The following SEMA3D variants were observed in gnomAD, a reference collection of about 807,000 sequenced individuals.
The protein encoded by SEMA3D is semaphorin 3D.
SEMA3D carries 84 observed loss-of-function variants against 100.1 expected under a neutral mutation model. The observed-to-expected ratio is 0.84, with a 90% confidence interval of 0.70 to 1.01. The LOEUF (loss-of-function observed/expected upper bound fraction) is 1.01, where lower values mean the gene tolerates loss of function less well. SEMA3D is among the 50% of genes least tolerant of loss of function. SEMA3D has a pLI of 0.00. For synonymous variants in SEMA3D, 312 were observed against 320.7 expected (o/e 0.97, Z 0.29); for missense variants, 875 against 934.1 (o/e 0.94, Z 0.82).
chr7:85,046,829 A>G (rs1336866455), intron 9 of SEMA3D, among the ~76,000 whole-genome samples: 1 of 151,858 alleles, frequency 6.6e-6, no homozygotes, highest in Non-Finnish European at 1.5e-5. Flanking sequence ...CTAAATTGTC[A>G]CCTCCTTGCT....
chr7:85,162,629 G>A (rs879649633), intron 1 of SEMA3D, among the ~76,000 whole-genome samples: 5 of 152,126 alleles, frequency 3.3e-5, no homozygotes, highest in Non-Finnish European at 5.9e-5. Flanking sequence ...TAAAGATGCA[G>A]TGGAGTGGAG....
chr7:85,207,536 A>T, the SEMA3D span, among the ~76,000 whole-genome samples: 1 of 152,106 alleles, frequency 6.6e-6, no homozygotes, highest in East Asian at 1.9e-4. Flanking sequence ...TTTCCATTTC[A>T]GGAAATGTGT....
At chr7:85,090,109 C>A (rs1474349182) in intron 4 of SEMA3D, among the ~76,000 whole-genome samples, 3 of 152,174 alleles carry the variant, frequency 2.0e-5, no homozygotes, top group Admixed American at 6.5e-5. Flanking sequence ...TTAGTAAGCA[C>A]TGATGTCTGG....
chr7:85,161,849 C>T (rs949524763), intron 1 of SEMA3D, among the ~76,000 whole-genome samples: 13 of 152,116 alleles, frequency 8.5e-5, no homozygotes, highest in African/African-American at 2.4e-4. Flanking sequence ...TTCACAGTGC[C>T]GCATACAAAT....
chr7:85,242,808 T>C, the SEMA3D span, among the ~76,000 whole-genome samples: 76 of 152,308 alleles, frequency 5.0e-4, no homozygotes, highest in African/African-American at 1.8e-3. Flanking sequence ...CCATGACATT[T>C]TTCTTTCTCT....
intron 2 of SEMA3D, chr7:85,142,680 T>C (rs1262583974): frequency 1.0e-6 from 1 of 973,802 alleles, no homozygotes; most frequent in Non-Finnish European, 1.2e-6. Context: ...TGGCATTTTT[T>C]TTTTTTTTTT....
At chr7:85,114,171 T>G (rs1430104663) in intron 3 of SEMA3D, among the ~76,000 whole-genome samples, 1 of 152,130 alleles carries the variant, frequency 6.6e-6, no homozygotes, top group Non-Finnish European at 1.5e-5. Flanking sequence ...ACGTGGTATA[T>G]AAGCAATTTG....
intron 2 of SEMA3D, among the ~76,000 whole-genome samples, chr7:85,150,028 C>G (rs949611587): frequency 6.6e-6 from 1 of 152,002 alleles, no homozygotes; most frequent in Non-Finnish European, 1.5e-5. Flanking sequence ...GGAACAGGTA[C>G]TAAGGATCTC....
At chr7:85,127,992 A>T (rs1265721496) in intron 2 of SEMA3D, among the ~76,000 whole-genome samples, 5 of 151,666 alleles carry the variant, frequency 3.3e-5, no homozygotes, top group Non-Finnish European at 7.4e-5. Flanking sequence ...AAAAGCATCA[A>T]CCTCAAATAT....
chr7:85,018,238 A>C lies in SEMA3D; in HGVS notation c.1545+14T>G. 2 of 1,558,286 alleles carry C rather than the reference A, an allele frequency of 1.3e-6. No homozygotes were observed. Among genetic ancestry groups the C allele is most frequent in the Non-Finnish European group, 1.8e-6 (2 of 1,131,064 alleles). ...GCTTTTGTGATTAACTTTCATACAA[A>C]AGTTAAAAAGTACCTGCTTCAGAGA... On this transcript the variant is annotated intron_variant, in intron 15 of 18. Coordinates refer to ENST00000284136, the MANE Select transcript of SEMA3D (RefSeq NM_001384900.1).
chr7:85,118,020 A>G (rs1478963318), intron 3 of SEMA3D, among the ~76,000 whole-genome samples: 1 of 152,014 alleles, frequency 6.6e-6, no homozygotes, highest in Non-Finnish European at 1.5e-5. Context: ...ATATGGCTCC[A>G]GTTTAATGGA....
chr7:85,034,178 G>T (rs1202907633), intron 12 of SEMA3D, among the ~76,000 whole-genome samples: 6 of 152,022 alleles, frequency 3.9e-5, no homozygotes, highest in Non-Finnish European at 7.4e-5. Flanking sequence ...TCAGTATTAA[G>T]TAAGTTAATG....
the SEMA3D span, among the ~76,000 whole-genome samples, chr7:85,238,907 G>GT: frequency 6.6e-6 from 1 of 151,952 alleles, no homozygotes; most frequent in Admixed American, 6.6e-5. Context: ...CTTGTACATA[G>GT]TTTTTTAGAT....
the SEMA3D span, among the ~76,000 whole-genome samples, chr7:85,220,330 CT>C: frequency 0.14 from 18,828 of 134,822 alleles, 2,673 homozygotes; most frequent in African/African-American, 0.37. Context: ...TTTCAGGTTC[CT>C]TTTTTTTTTT....
chr7:84,999,994 C>G, intron 18 of SEMA3D, 129 bp from the exon 19 acceptor site: 4 of 764,746 alleles, frequency 5.2e-6, no homozygotes, highest in Non-Finnish European at 8.2e-6. Context: ...TCTCTGTCAT[C>G]AAGCATAATA....
chr7:85,136,452 A>G (rs146223100), intron 2 of SEMA3D, among the ~76,000 whole-genome samples: 2 of 152,234 alleles, frequency 1.3e-5, no homozygotes, highest in East Asian at 3.9e-4. Flanking sequence ...CATTTGATTT[A>G]TTTAAAGCAA....
At chr7:85,031,966 T>G (rs1369380300) in intron 12 of SEMA3D, among the ~76,000 whole-genome samples, 1 of 151,940 alleles carries the variant, frequency 6.6e-6, no homozygotes, top group Non-Finnish European at 1.5e-5. Context: ...CGGCAGTATA[T>G]CAATCAGATA....
At chr7:85,110,843 A>T (rs1554344617) in intron 3 of SEMA3D, among the ~76,000 whole-genome samples, 2 of 152,024 alleles carry the variant, frequency 1.3e-5, no homozygotes, top group Non-Finnish European at 2.9e-5. Flanking sequence ...CCTTAAGAGA[A>T]TTATCTATAG....
At chr7:85,163,140 C>A in intron 1 of SEMA3D, 1 of 200,944 alleles carries the variant, frequency 5.0e-6, no homozygotes, top group Non-Finnish European at 8.9e-6. Context: ...AGTGGCCTCT[C>A]CATGAAAGTG....
Sources: allele counts gnomAD v4.1 joint callset (sites outside exome capture counted in the v4.1 genomes callset), GRCh38; gene constraint gnomAD v4.1.1; transcripts MANE v1.5; gene names NCBI Gene and HGNC (gene_info 2026-07-23, HGNC 2026-07-21).